The following CA13 variants were observed in gnomAD, a reference collection of about 807,000 sequenced individuals.
CA13 encodes the protein carbonic anhydrase 13.
CA13 carries 21 observed loss-of-function variants against 31.5 expected under a neutral mutation model. The observed-to-expected ratio is 0.67, with a 90% confidence interval of 0.47 to 0.96. The LOEUF (loss-of-function observed/expected upper bound fraction) is 0.96. CA13 is among the 40% of genes least tolerant of loss of function. CA13 has a pLI of 0.00. For synonymous variants in CA13, 117 were observed against 111.4 expected (o/e 1.05, Z -0.32); for missense variants, 315 against 318.9 (o/e 0.99, Z 0.09).
At chr8:85,259,563 A>T in intron 3 of CA13, 24 bp downstream of exon 3, 1 of 1,576,980 alleles carries the variant, frequency 6.3e-7, no homozygotes, top group Non-Finnish European at 8.7e-7. Flanking sequence ...CATATCTGTG[A>T]TTCACAGTTT....
intron 2 of CA13, among the ~76,000 whole-genome samples, chr8:85,251,237 C>T (rs1018202593): frequency 6.6e-6 from 1 of 151,922 alleles, no homozygotes; most frequent in African/African-American, 2.4e-5. Context: ...CTCCTGACCT[C>T]GTGATCCGCC....
At position 85,250,784 on chromosome 8, in the gene CA13, C is replaced by T; in HGVS notation, c.82C>T (p.Gln28Ter). 6.2e-7 allele frequency: 1 copy of T among 1,613,454 alleles called. No homozygotes were observed. The highest frequency in any genetic ancestry group is 8.5e-7 in the Non-Finnish European group (1 of 1,179,464). ...KEFFPIADGD[Q>*]QSPIEIKTKE... ...ATTTTTCCCTATTGCTGATGGTGAT[C>T]AGCAATCTCCAATTGAGATTAAAAC... is the stretch of plus-strand genomic sequence containing the variant. The change falls in exon 2 of 7, where the codon CAG becomes TAG. Residue 28 changes from glutamine to a stop codon, truncating the protein, a stop_gained. Coordinates refer to ENST00000321764, the MANE Select transcript of CA13 (RefSeq NM_198584.3). LOFTEE classifies it high-confidence loss of function.
chr8:85,245,781 T>A lies in CA13; in HGVS notation c.-48T>A. The A allele has an allele frequency of 6.2e-7, 1 of 1,608,180 alleles. No homozygotes were observed. Among genetic ancestry groups the A allele is most frequent in the Non-Finnish European group, 8.5e-7 (1 of 1,174,872 alleles). On this transcript the variant is annotated 5_prime_UTR_variant, in exon 1 of 7. Transcript: ENST00000321764. ...CGGGCCCCTCCCCGCTCCCTCCTCT[T>A]TCTCGCTGCTCAGTCACATCTTTCT...
At chr8:85,260,681 G>A (rs1807363869) in intron 3 of CA13, among the ~76,000 whole-genome samples, 1 of 152,160 alleles carries the variant, frequency 6.6e-6, no homozygotes, top group Admixed American at 6.5e-5. Context: ...TTTTTATGAT[G>A]GTGGACAAAC....
chr8:85,273,290 T>C (rs1040674772), intron 6 of CA13, among the ~76,000 whole-genome samples: 1 of 152,250 alleles, frequency 6.6e-6, no homozygotes, highest in Admixed American at 6.5e-5. Context: ...ATTTATCTAG[T>C]GACCAATGAT....
chr8:85,251,306 C>T (rs1320826085), intron 2 of CA13, among the ~76,000 whole-genome samples: 1 of 152,050 alleles, frequency 6.6e-6, no homozygotes, highest in African/African-American at 2.4e-5. Context: ...CCAGAATACA[C>T]TCTCTAATCT....
At chr8:85,251,342 G>A (rs1407401907) in intron 2 of CA13, among the ~76,000 whole-genome samples, 1 of 151,958 alleles carries the variant, frequency 6.6e-6, no homozygotes, top group Non-Finnish European at 1.5e-5. Context: ...TGCTAGACCT[G>A]GAATTTGTCA....
At chr8:85,248,712 T>G (rs1813774022) in intron 1 of CA13, among the ~76,000 whole-genome samples, 2 of 152,174 alleles carry the variant, frequency 1.3e-5, no homozygotes, top group Admixed American at 1.3e-4. Context: ...ATACAAACAA[T>G]TATTACTTTT....
intron 1 of CA13, among the ~76,000 whole-genome samples, chr8:85,247,688 G>A (rs1813756024): frequency 6.6e-6 from 1 of 152,102 alleles, no homozygotes; most frequent in Admixed American, 6.5e-5. Flanking sequence ...TCCAGCCTCA[G>A]CCCCACCAAG....
intron 2 of CA13, among the ~76,000 whole-genome samples, chr8:85,257,703 C>T (rs1587537244): frequency 1.1e-5 from 1 of 93,160 alleles, no homozygotes; most frequent in East Asian, 2.4e-4. Flanking sequence ...GAGACCTTGT[C>T]TCAAAAAAAA....
intron 1 of CA13, 136 bp from the exon 2 acceptor site, chr8:85,250,604 G>T: frequency 1.7e-6 from 1 of 576,720 alleles, no homozygotes. Flanking sequence ...TAGATGCCAA[G>T]GTCCTGAGGA....
At chr8:85,256,707 ATTAT>A (rs1476816955) in intron 2 of CA13, among the ~76,000 whole-genome samples, 2 of 152,190 alleles carry the variant, frequency 1.3e-5, no homozygotes, top group African/African-American at 2.4e-5. Flanking sequence ...CTCTATTATG[ATTAT>A]TTGTTTCCTT....
intron 3 of CA13, among the ~76,000 whole-genome samples, chr8:85,259,941 T>C (rs1184914498): frequency 6.6e-6 from 1 of 152,128 alleles, no homozygotes; most frequent in Non-Finnish European, 1.5e-5. Flanking sequence ...AATGTGGTCA[T>C]ATTTCATCCA....
intron 3 of CA13, among the ~76,000 whole-genome samples, chr8:85,263,851 T>G (rs7827242): frequency 0.024 from 3,647 of 152,244 alleles, 152 homozygotes; most frequent in African/African-American, 0.083. Context: ...TGCATTTGGT[T>G]TCATGTTCAA....
intron 1 of CA13, among the ~76,000 whole-genome samples, chr8:85,250,387 T>A (rs1290731689): frequency 6.6e-6 from 1 of 152,260 alleles, no homozygotes; most frequent in Non-Finnish European, 1.5e-5. Flanking sequence ...ATAGCTCATT[T>A]TTGGAGCTGA....
At chr8:85,246,359 C>T (rs1437669870) in intron 1 of CA13, 1 of 456,196 alleles carries the variant, frequency 2.2e-6, no homozygotes, top group East Asian at 6.9e-5. Context: ...ATTAAGTTGG[C>T]TTCGTGGCAA....
chr8:85,255,150 C>T (rs1167739756), intron 2 of CA13, among the ~76,000 whole-genome samples: 2 of 151,670 alleles, frequency 1.3e-5, no homozygotes, highest in Non-Finnish European at 2.9e-5. Context: ...TCTTGACTTT[C>T]TTTGTTCTCA....
chr8:85,273,755 T>C (rs1017298771), intron 6 of CA13, among the ~76,000 whole-genome samples: 3 of 152,180 alleles, frequency 2.0e-5, no homozygotes, highest in African/African-American at 7.2e-5. Context: ...GGCCTCAGCC[T>C]GTCTGCCCCC....
intron 1 of CA13, among the ~76,000 whole-genome samples, chr8:85,248,779 TAGG>T (rs1813774825): frequency 6.6e-6 from 1 of 152,170 alleles, no homozygotes; most frequent in African/African-American, 2.4e-5. Context: ...TGACTGGAAA[TAGG>T]AGAGCAAAGC....
Sources: allele counts gnomAD v4.1 joint callset (sites outside exome capture counted in the v4.1 genomes callset), GRCh38; gene constraint gnomAD v4.1.1; transcripts MANE v1.5; gene names NCBI Gene and HGNC (gene_info 2026-07-23, HGNC 2026-07-21).